Variants in ITGAL observed in about 807,000 individuals in gnomAD.
ITGAL encodes the protein integrin subunit alpha L.
In ITGAL, 68 loss-of-function variants were observed where a neutral mutation model predicts 138.4. That is an observed-to-expected ratio of 0.49 (90% CI 0.40 to 0.60). ITGAL has a LOEUF of 0.60. Ranked by LOEUF, ITGAL falls within the 20% of genes least tolerant of loss-of-function variation. The probability of loss-of-function intolerance (pLI) is 0.00; values close to 1 mark genes in which losing one functional copy is unlikely to be tolerated. For missense variants in ITGAL, 1,256 were observed against 1,478.6 expected (o/e 0.85, Z 2.47); for synonymous variants, 561 against 584.3 (o/e 0.96, Z 0.57).
intron 30 of ITGAL, 43 bp downstream of exon 30, chr16:30,520,010 G>A: frequency 7.2e-7 from 1 of 1,397,462 alleles, no homozygotes; most frequent in African/African-American, 1.4e-5. Context: ...AGACAGCCAG[G>A]CTGGGGAAGG....
At chr16:30,476,880 C>T (rs543610634) in intron 4 of ITGAL, among the ~76,000 whole-genome samples, 40 of 152,188 alleles carry the variant, frequency 2.6e-4, no homozygotes, top group Admixed American at 1.2e-3. Flanking sequence ...GTGATCTGCC[C>T]GCCTCGGCCT....
Position 30,519,928 on chromosome 16 carries a change from G to A in ITGAL, c.3300G>A (p.Gly1100=). 6.2e-7 allele frequency: 1 copy of A among 1,603,606 alleles called. No individual in the cohort carries two copies. The highest frequency in any genetic ancestry group is 8.5e-7 in the Non-Finnish European group (1 of 1,172,600). ...TCTACGTGCTGAGCGGCATCGGGGG[G>A]CTGCTGCTGCTGCTGCTCATTTTCA... ...LYLYVLSGIG[G]LLLLLLIFIV... is the part of the protein sequence containing the mutation. The change falls in exon 30 of 31, where the codon GGG becomes GGA. Residue 1100 remains glycine (G), a synonymous_variant. Transcript: ENST00000356798.
intron 24 of ITGAL, 138 bp downstream of exon 24, chr16:30,511,274 C>T (rs537191372): frequency 7.4e-6 from 5 of 674,816 alleles, no homozygotes; most frequent in African/African-American, 3.6e-5. Context: ...AGAACTGATT[C>T]CAGCCACAAC....
chr16:30,476,703 G>A (rs7196067), intron 4 of ITGAL, among the ~76,000 whole-genome samples: 10,018 of 150,338 alleles, frequency 0.067, 1,177 homozygotes, highest in African/African-American at 0.23. Flanking sequence ...CATGATCTCA[G>A]TTCACTGCAA....
intron 11 of ITGAL, among the ~76,000 whole-genome samples, chr16:30,492,269 T>C (rs1348725063): frequency 6.6e-6 from 1 of 151,110 alleles, no homozygotes; most frequent in Admixed American, 6.6e-5. Flanking sequence ...TTTTTTTTTT[T>C]TGAGACTGAG....
intron 20 of ITGAL, among the ~76,000 whole-genome samples, chr16:30,505,774 C>T (rs925095623): frequency 6.6e-6 from 1 of 152,088 alleles, no homozygotes; most frequent in Admixed American, 6.6e-5. Flanking sequence ...TTCCCAGCTA[C>T]TTGGGAGATT....
intron 6 of ITGAL, among the ~76,000 whole-genome samples, chr16:30,480,434 G>A (rs560587337): frequency 6.0e-4 from 92 of 152,156 alleles, no homozygotes; most frequent in African/African-American, 2.1e-3. Flanking sequence ...TCAGAGAAGA[G>A]GTTCTGGCTG....
chr16:30,502,384 A>G (rs1357288228), intron 17 of ITGAL, among the ~76,000 whole-genome samples: 3 of 135,728 alleles, frequency 2.2e-5, no homozygotes, highest in South Asian at 2.3e-4. Context: ...GCGACAGAGC[A>G]AGACTCCATC....
At chr16:30,490,707 ACTC>A (rs1752106340) in intron 11 of ITGAL, among the ~76,000 whole-genome samples, 2 of 151,872 alleles carry the variant, frequency 1.3e-5, no homozygotes, top group South Asian at 4.2e-4. Context: ...AGGACTGGCC[ACTC>A]CTTTTTAAGG....
At chr16:30,516,911 G>C in intron 25 of ITGAL, 62 bp from the exon 26 acceptor site, 3 of 1,163,836 alleles carry the variant, frequency 2.6e-6, no homozygotes. Context: ...GGCACACAGG[G>C]TCTGGGGGGC....
rs373620320 is a variant in ITGAL at position 30,500,303 on chromosome 16, C to T, written c.2145+814C>T. 4.0e-5 allele frequency among the ~76,000 whole-genome samples: 6 copies of T among 151,372 alleles called. No individual in the cohort carries two copies. In the South Asian group the frequency reaches 1.0e-3, roughly 26 times the overall value. On this transcript the variant is annotated intron_variant, in intron 17 of 30. Transcript: ENST00000356798. ...GTTTCACCATGTTGGCCAGGCTGGT[C>T]TCGAACTCCTGACCTCAGGTGATCC...
intron 6 of ITGAL, among the ~76,000 whole-genome samples, chr16:30,480,259 C>T (rs1179199757): frequency 3.9e-5 from 6 of 152,160 alleles, no homozygotes; most frequent in African/African-American, 7.2e-5. Context: ...TTTCTTTTTG[C>T]GTCTTTGCTT....
At chr16:30,476,094 A>C (rs2050467548) in intron 4 of ITGAL, among the ~76,000 whole-genome samples, 1 of 151,996 alleles carries the variant, frequency 6.6e-6, no homozygotes, top group Non-Finnish European at 1.5e-5. Context: ...TACTAAAAAC[A>C]CAAAAAATCA....
intron 26 of ITGAL, 30 bp downstream of exon 26, chr16:30,517,116 C>T (rs1486526233): frequency 6.9e-7 from 1 of 1,440,900 alleles, no homozygotes; most frequent in Non-Finnish European, 9.7e-7. Context: ...GGAGGGTCTA[C>T]CCTCCTCAGG....
At chr16:30,487,404 TTTTTGTTTTG>T (rs567261350) in intron 9 of ITGAL, among the ~76,000 whole-genome samples, 3 of 151,528 alleles carry the variant, frequency 2.0e-5, no homozygotes, top group African/African-American at 4.9e-5. Context: ...ATGAAGAGGT[TTTTTGTTTTG>T]TTTTGTTTTG....
At position 30,499,137 on chromosome 16, in the gene ITGAL, T is replaced by C; in HGVS notation, c.1896T>C (p.His632=). 6.2e-7 allele frequency: 1 copy of C among 1,614,106 alleles called. No homozygotes were observed. The highest frequency in any genetic ancestry group is 8.5e-7 in the Non-Finnish European group (1 of 1,180,026). Residue 632 remains histidine, a synonymous_variant, in exon 16 of 31, where the codon CAT becomes CAC. Transcript: ENST00000356798. ...MSFSPAEIPV[H]EVECSYSTSN... ...TCTCTCCAGCTGAGATCCCAGTGCA[T>C]GAAGTGGAGTGCTCCTATTCAACCA...
chr16:30,475,914 G>A (rs1467934645), intron 4 of ITGAL, among the ~76,000 whole-genome samples: 2 of 151,796 alleles, frequency 1.3e-5, no homozygotes, highest in East Asian at 3.9e-4. Context: ...ACCATGCCCA[G>A]CTAATTTTTA....
chr16:30,496,809 T>A (rs1361539303), intron 15 of ITGAL, among the ~76,000 whole-genome samples: 2 of 12,594 alleles, frequency 1.6e-4, no homozygotes, highest in African/African-American at 6.2e-4. Context: ...ACCTGGCTAA[T>A]TTTTTTTTTT....
At chr16:30,489,456 A>C in intron 11 of ITGAL, 70 bp downstream of exon 11, 1 of 1,526,830 alleles carries the variant, frequency 6.5e-7, no homozygotes, top group Non-Finnish European at 9.0e-7. Flanking sequence ...CCTGGCTTCC[A>C]AAACAATAAT....
Sources: gnomAD v4.1 joint callset for allele counts (sites outside exome capture counted in the v4.1 genomes callset) on GRCh38, gnomAD v4.1.1 for gene constraint, MANE v1.5 for transcripts, NCBI Gene and HGNC (gene_info 2026-07-23, HGNC 2026-07-21) for gene names.